The following RAPGEF2 variants were observed in gnomAD, a reference collection of about 807,000 sequenced individuals.
The protein encoded by RAPGEF2 is PDZ domain containing guanine nucleotide exchange factor (GEF) 1.
A neutral mutation model predicts 186.7 loss-of-function variants in RAPGEF2; 54 were observed. The observed-to-expected ratio is 0.29, with a 90% confidence interval of 0.23 to 0.36. RAPGEF2 has a LOEUF of 0.36. Among genes scored for constraint, RAPGEF2 ranks in the 10% least tolerant of loss-of-function variants. RAPGEF2 has a pLI of 1.00. For missense variants in RAPGEF2, 1,532 were observed against 2,045.0 expected, an observed-to-expected ratio of 0.75 and a Z score of 4.84; for synonymous variants, 712 against 705.9, an observed-to-expected ratio of 1.01 and a Z score of -0.14.
intron 12 of RAPGEF2, 25 bp downstream of exon 12, chr4:159,330,035 C>A: frequency 6.4e-7 from 1 of 1,571,494 alleles, no homozygotes; most frequent in South Asian, 1.2e-5. Flanking sequence ...CACTCCTTCC[C>A]AAGGAAAGGA....
At chr4:159,345,074 G>A in intron 23 of RAPGEF2, 32 bp from the exon 24 acceptor site, 1 of 1,554,218 alleles carries the variant, frequency 6.4e-7, no homozygotes, top group Non-Finnish European at 8.9e-7. Context: ...CCATGCTAGA[G>A]TGAGCTGCAT....
At chr4:159,296,251 A>AAT (rs1344317418) in intron 7 of RAPGEF2, among the ~76,000 whole-genome samples, 1 of 152,240 alleles carries the variant, frequency 6.6e-6, no homozygotes. Flanking sequence ...AATTAGAAGG[A>AAT]ATGTAAACTC....
intron 7 of RAPGEF2, among the ~76,000 whole-genome samples, chr4:159,293,504 A>T (rs1168302069): frequency 6.6e-6 from 1 of 152,190 alleles, no homozygotes; most frequent in Non-Finnish European, 1.5e-5. Flanking sequence ...TGTTTATTTT[A>T]TCCAAACTGC....
In RAPGEF2 at chr4:159,187,451, A is replaced by C. The variant is rs180868917; in HGVS notation, c.140+739A>C. On this transcript the variant is annotated intron_variant, in intron 2 of 29. Transcript: ENST00000691494. ...GGCAAATAAAAACCTACTACTTAGCATTCAGATATATTAGAAACCAGAACC... is the reference window on the plus strand; with the variant it reads ...GGCAAATAAAAACCTACTACTTAGCCTTCAGATATATTAGAAACCAGAACC... Among the ~76,000 whole-genome samples the C allele has an allele frequency of 5.0e-3, 763 of 152,336 alleles. 10 individuals carry two copies. Among genetic ancestry groups the C allele is most frequent in the Non-Finnish European group, 9.2e-3 (628 of 68,028 alleles).
In RAPGEF2 at chr4:159,214,979, C is replaced by T. The variant is rs569480884; in HGVS notation, c.281+4396C>T. On this transcript the variant is annotated intron_variant, in intron 4 of 29. Coordinates refer to ENST00000691494, the MANE Select transcript of RAPGEF2 (RefSeq NM_001394067.2). ...CCACGTTCAAGCAATTATTGTGCCT[C>T]GGCCTCCCAAGTAGTTGGTATTACA... Among the ~76,000 whole-genome samples, 8 of 152,282 alleles carry T rather than the reference C, an allele frequency of 5.3e-5. No individual in the cohort carries two copies. The South Asian group carries it at 8.3e-4, about 16-fold the overall frequency.
intron 7 of RAPGEF2, among the ~76,000 whole-genome samples, chr4:159,256,261 C>T (rs1214335218): frequency 6.6e-6 from 1 of 152,092 alleles, no homozygotes; most frequent in Non-Finnish European, 1.5e-5. Context: ...CTGTTGTTCC[C>T]CTCCCTGTGT....
chr4:159,308,342 TCTAGTTA>T (rs1763555034), intron 8 of RAPGEF2, among the ~76,000 whole-genome samples: 1 of 152,244 alleles, frequency 6.6e-6, no homozygotes, highest in Admixed American at 6.5e-5. Flanking sequence ...TATCTAAGGA[TCTAGTTA>T]TTGGCTGTGC....
Position 159,224,138 on chromosome 4 carries a change from G to A in RAPGEF2, c.281+13555G>A, listed in dbSNP as rs145198397. Among the ~76,000 whole-genome samples, 543 of 152,190 alleles carry A rather than the reference G, an allele frequency of 3.6e-3. 4 individuals are homozygous for A. Among genetic ancestry groups the A allele is most frequent in the African/African-American group, 0.012 (518 of 41,526 alleles). On this transcript the variant is annotated intron_variant, in intron 4 of 29. Coordinates refer to ENST00000691494, the MANE Select transcript of RAPGEF2 (RefSeq NM_001394067.2). ...GGTCTTGAACTCCTAGCCTGAAGTG[G>A]TCCGCCTGCCTTGGCCTCCCAAAGT... is the stretch of plus-strand genomic sequence containing the variant.
chr4:159,284,933 G>A (rs1405452706), intron 7 of RAPGEF2, among the ~76,000 whole-genome samples: 1 of 152,062 alleles, frequency 6.6e-6, no homozygotes, highest in Non-Finnish European at 1.5e-5. Context: ...CATGCCTGTG[G>A]TTCCAGCTAC....
intron 1 of RAPGEF2, among the ~76,000 whole-genome samples, chr4:159,127,982 T>C (rs1381477047): frequency 6.6e-6 from 1 of 152,184 alleles, no homozygotes; most frequent in Non-Finnish European, 1.5e-5. Context: ...ATTCTAGGCA[T>C]GGTGTTATGA....
chr4:159,175,884 T>C (rs1746403177), intron 1 of RAPGEF2, among the ~76,000 whole-genome samples: 1 of 152,228 alleles, frequency 6.6e-6, no homozygotes, highest in Admixed American at 6.5e-5. Flanking sequence ...CTTTTCTTTC[T>C]TTGCACCCAG....
At chr4:159,164,417 CTG>C (rs1745081400) in intron 1 of RAPGEF2, among the ~76,000 whole-genome samples, 1 of 151,082 alleles carries the variant, frequency 6.6e-6, no homozygotes, top group Non-Finnish European at 1.5e-5. Flanking sequence ...ACGAAAATAT[CTG>C]TATTTTGGAT....
chr4:159,189,346 T>G (rs11942984), intron 2 of RAPGEF2, among the ~76,000 whole-genome samples: 10,861 of 152,266 alleles, frequency 0.071, 568 homozygotes, highest in African/African-American at 0.14. Context: ...GATCACACAC[T>G]GTGCAATGTA....
At chr4:159,153,121 T>G (rs2111196303) in intron 1 of RAPGEF2, among the ~76,000 whole-genome samples, 1 of 152,330 alleles carries the variant, frequency 6.6e-6, no homozygotes, top group East Asian at 1.9e-4. Context: ...TCAAACAACT[T>G]CATTACACTA....
chr4:159,183,939 T>G (rs763843122), intron 1 of RAPGEF2, among the ~76,000 whole-genome samples: 1 of 152,184 alleles, frequency 6.6e-6, no homozygotes, highest in African/African-American at 2.4e-5. Flanking sequence ...CCCCACCCTG[T>G]GTCCAAGTGT....
chr4:159,331,383 A>G lies in RAPGEF2; in HGVS notation c.1468-48A>G, dbSNP rs757697922. ...TCTTTTCTGGAATGATTTTAATCAC[A>G]TTTTTGGCACTAAAAAGGAAACTTA... On this transcript the variant is annotated intron_variant, in intron 13 of 29. Coordinates refer to ENST00000691494, the MANE Select transcript of RAPGEF2 (RefSeq NM_001394067.2). 8.6e-6 allele frequency: 10 copies of G among 1,164,570 alleles called. No homozygotes were observed. The African/African-American group carries it at 1.5e-4, about 18-fold the overall frequency. 72.1% of individuals were successfully genotyped at this position (1,164,570 alleles called of 1,614,324 possible).
chr4:159,256,110 T>TA (rs1756127577), intron 7 of RAPGEF2, among the ~76,000 whole-genome samples: 3 of 152,244 alleles, frequency 2.0e-5, no homozygotes, highest in Admixed American at 1.3e-4. Context: ...ATGTGCAGGA[T>TA]ATACAGCTTT....
At chr4:159,185,802 A>G (rs1747496837) in intron 1 of RAPGEF2, among the ~76,000 whole-genome samples, 1 of 152,206 alleles carries the variant, frequency 6.6e-6, no homozygotes, top group Admixed American at 6.5e-5. Flanking sequence ...ATTTTATAGT[A>G]TGTGAATCAT....
chr4:159,116,795 C>T (rs532438394), intron 1 of RAPGEF2, among the ~76,000 whole-genome samples: 2 of 152,244 alleles, frequency 1.3e-5, no homozygotes, highest in Admixed American at 1.3e-4. Flanking sequence ...TAAACTAACA[C>T]AAGAACAGAA....
Sources: gnomAD v4.1 joint callset for allele counts (sites outside exome capture counted in the v4.1 genomes callset) on GRCh38, gnomAD v4.1.1 for gene constraint, MANE v1.5 for transcripts, NCBI Gene and HGNC (gene_info 2026-07-23, HGNC 2026-07-21) for gene names.